The following LRP2 variants were observed in gnomAD, a reference collection of about 807,000 sequenced individuals.
LRP2 encodes the protein LDL receptor related protein 2, also known as low-density lipoprotein receptor-related protein 2.
LRP2 carries 172 observed loss-of-function variants against 531.0 expected under a neutral mutation model. The ratio of observed to expected loss-of-function variants is 0.32; its 90% CI spans 0.29 to 0.37. The LOEUF is 0.37. Among genes scored for constraint, LRP2 ranks in the 10% least tolerant of loss-of-function variants. LRP2 has a pLI of 1.00. For missense variants in LRP2, 5,167 were observed against 5,868.3 expected, an observed-to-expected ratio of 0.88 and a Z score of 3.90; for synonymous variants, 1,992 against 2,027.6, an observed-to-expected ratio of 0.98 and a Z score of 0.47.
intron 72 of LRP2, 127 bp from the exon 73 acceptor site, chr2:169,139,737 C>T (rs2105338370): frequency 1.2e-6 from 1 of 828,944 alleles, no homozygotes; most frequent in South Asian, 1.4e-5. Flanking sequence ...GACAATGTAT[C>T]CTGCATGACT....
Position 169,233,342 on chromosome 2 carries a change from C to T in LRP2, c.5098+69G>A, listed in dbSNP as rs368705330. 25 of 1,538,056 alleles carry T rather than the reference C, an allele frequency of 1.6e-5. No homozygotes were observed. The East Asian group carries it at 3.6e-4, about 22-fold the overall frequency. ...AAACAAATGGGTCTGTAACAGTGTGCATTTAGCATTCCCAGGGTCAGTGTT... is the reference window on the plus strand; with the variant it reads ...AAACAAATGGGTCTGTAACAGTGTGTATTTAGCATTCCCAGGGTCAGTGTT... On this transcript the variant is annotated intron_variant, in intron 30 of 78. Coordinates refer to ENST00000649046, the MANE Select transcript of LRP2 (RefSeq NM_004525.3).
rs1685678991 is a variant in LRP2, at chr2:169,140,474, T to G, written c.13180A>C (p.Thr4394Pro). ...MHGGNCYFDE[T>P]DLPKCKCPSG... ...ACTTACTTGCATTTGGGGAGGTCAGTCTCATCAAAATAGCAATTTCCTCCG... is the reference window on the plus strand; with the variant it reads ...ACTTACTTGCATTTGGGGAGGTCAGGCTCATCAAAATAGCAATTTCCTCCG... The change falls in exon 72 of 79, where the codon ACT becomes CCT. Residue 4394 changes from threonine to proline, a missense_variant. Around this residue, in one of 6 missense-constraint regions of LRP2, gnomAD observed 348 missense variants for 369.3 expected, o/e 0.94. Coordinates refer to ENST00000649046, the MANE Select transcript of LRP2 (RefSeq NM_004525.3). 1.2e-6 allele frequency: 2 copies of G among 1,614,044 alleles called. No individual in the cohort carries two copies. The highest frequency in any genetic ancestry group is 1.7e-6 in the Non-Finnish European group (2 of 1,179,936).
In LRP2 at chr2:169,186,022, G is replaced by A. The variant is rs1011012202; in HGVS notation, c.9329-3C>T. On this transcript the variant is annotated splice_region_variant and splice_polypyrimidine_tract_variant and intron_variant, in intron 49 of 78. Transcript: ENST00000649046. ...AGGGTCATGGCATTCATTAATGCCT[G>A]TAGGTAAAAAGCAGTTCTTAGAGAT... 91 of 1,612,188 alleles carry A rather than the reference G, an allele frequency of 5.6e-5. No individual in the cohort carries two copies. The highest frequency in any genetic ancestry group is 7.5e-5 in the Non-Finnish European group (89 of 1,179,282).
At chr2:169,273,532 C>G (rs938585979) in intron 14 of LRP2, among the ~76,000 whole-genome samples, 4 of 152,134 alleles carry the variant, frequency 2.6e-5, no homozygotes, top group African/African-American at 9.6e-5. Context: ...AACCAAGAAT[C>G]TAAACAGTTA....
In LRP2 at chr2:169,270,950, T is replaced by A. The variant is rs373490242; in HGVS notation, c.2274A>T (p.Ser758=). 7 of 1,612,936 alleles carry A rather than the reference T, an allele frequency of 4.3e-6. No individual in the cohort carries two copies. Among genetic ancestry groups the A allele is most frequent in the Middle Eastern group, 1.6e-4 (1 of 6,074 alleles). The change falls in exon 16 of 79, where the codon TCA becomes TCT. Residue 758 remains serine (S), a synonymous_variant. Coordinates refer to ENST00000649046, the MANE Select transcript of LRP2 (RefSeq NM_004525.3). ...TAAAAATCATGTGTTTTGACATATCTGAAAAAAAGATAGTGCTGTCCTGGG... is the reference window on the plus strand; with the variant it reads ...TAAAAATCATGTGTTTTGACATATCAGAAAAAAAGATAGTGCTGTCCTGGG... ...FDAQDSTIFF[S]DMSKHMIFKQ...
chr2:169,304,903 T>C (rs988425878), intron 4 of LRP2, among the ~76,000 whole-genome samples: 2 of 152,174 alleles, frequency 1.3e-5, no homozygotes, highest in Non-Finnish European at 2.9e-5. Context: ...AACAAGTTCA[T>C]GTCTTTTACA....
intron 16 of LRP2, among the ~76,000 whole-genome samples, chr2:169,270,401 A>G (rs972747506): frequency 2.0e-5 from 3 of 152,184 alleles, no homozygotes; most frequent in African/African-American, 7.2e-5. Flanking sequence ...TGTGTTACAT[A>G]TGCACCATGG....
intron 1 of LRP2, among the ~76,000 whole-genome samples, chr2:169,355,456 A>G (rs958596718): frequency 6.6e-6 from 1 of 151,820 alleles, no homozygotes; most frequent in African/African-American, 2.4e-5. Context: ...TTCTCTCTGG[A>G]CTCCACCCCT....
rs1229913881 is a variant in LRP2 at position 169,259,066 on chromosome 2, A to G, written c.2472T>C (p.Tyr824=). 2.5e-6 allele frequency: 4 copies of G among 1,613,278 alleles called. No individual in the cohort carries two copies. The highest frequency in any genetic ancestry group is 3.4e-6 in the Non-Finnish European group (4 of 1,179,630). The change falls in exon 17 of 79, where the codon TAT becomes TAC. Residue 824 remains tyrosine, a synonymous_variant. Coordinates refer to ENST00000649046, the MANE Select transcript of LRP2 (RefSeq NM_004525.3). ...CTACCACCGACCGTGGGTTATTTAA[A>G]TACTGAACTACTGTGCGTCTCGTTT... ...ADKTRRTVVQ[Y]LNNPRSVVVH...
chr2:169,183,973 T>G (rs1559001567), intron 50 of LRP2, among the ~76,000 whole-genome samples: 1 of 152,136 alleles, frequency 6.6e-6, no homozygotes, highest in Non-Finnish European at 1.5e-5. Context: ...TTGTGCACCC[T>G]CCTGGACTTT....
Position 169,209,554 on chromosome 2 carries a change from G to T in LRP2, c.6368C>A (p.Ala2123Glu), listed in dbSNP as rs149906123. 1 of 1,613,918 alleles carries T rather than the reference G, an allele frequency of 6.2e-7. No homozygotes were observed. Among genetic ancestry groups the T allele is most frequent in the Non-Finnish European group, 8.5e-7 (1 of 1,179,936 alleles). ...TCCATCTGGTTTAATTCTACGGATC[G>T]CATTATCAGATGCCACTGAGCTGCT... ...DFSSSVASDN[A>E]IRRIKPDGSS... Residue 2123 changes from alanine (A) to glutamate (E), a missense_variant, in exon 38 of 79, where the codon GCG becomes GAG. By Grantham distance (107) the Ala-to-Glu change is moderately radical. This residue lies in a region of LRP2 where 2,811 missense variants were observed against 3,058.0 expected (regional missense o/e 0.92). Coordinates refer to ENST00000649046, the MANE Select transcript of LRP2 (RefSeq NM_004525.3).
intron 54 of LRP2, among the ~76,000 whole-genome samples, chr2:169,175,653 A>G (rs1451183730): frequency 2.7e-5 from 4 of 150,224 alleles, no homozygotes; most frequent in Non-Finnish European, 3.0e-5. Context: ...CAAAAAAAAA[A>G]CAATAAACAA....
intron 70 of LRP2, among the ~76,000 whole-genome samples, chr2:169,143,519 A>C (rs1685802462): frequency 6.6e-6 from 1 of 152,002 alleles, no homozygotes; most frequent in African/African-American, 2.4e-5. Context: ...GGTGGCGGGC[A>C]CCTGTAGTCC....
chr2:169,225,879 T>C (rs1242090627), intron 32 of LRP2, among the ~76,000 whole-genome samples: 1 of 152,174 alleles, frequency 6.6e-6, no homozygotes, highest in Non-Finnish European at 1.5e-5. Flanking sequence ...CTGAAGAAAA[T>C]GACCTCTGAG....
rs1689873280 is a variant in LRP2 at position 169,243,199 on chromosome 2, C to T, written c.3551-127G>A. 4 of 903,858 alleles carry T rather than the reference C, an allele frequency of 4.4e-6. No homozygotes were observed. The South Asian group carries it at 5.7e-5, about 13-fold the overall frequency. The allele number at this position is 903,858 out of a possible 1,614,324, so 56.0% of individuals were successfully genotyped here. A position where few individuals can be genotyped will look rare whatever the true frequency, so the allele number is the denominator to read the frequency against. On this transcript the variant is annotated intron_variant, in intron 23 of 78. Transcript: ENST00000649046. ...ATATGCAGAACATGCAGGTTTGTTACATAGGTATACACGTGCCATGGTGGT... is the reference window on the plus strand; with the variant it reads ...ATATGCAGAACATGCAGGTTTGTTATATAGGTATACACGTGCCATGGTGGT...
intron 16 of LRP2, among the ~76,000 whole-genome samples, chr2:169,267,652 A>G (rs1240937964): frequency 6.6e-6 from 1 of 152,190 alleles, no homozygotes; most frequent in Admixed American, 6.5e-5. Context: ...AGGAGAAAGC[A>G]GTAGAGATCT....
chr2:169,234,074 T>A (rs1247342268), intron 29 of LRP2, among the ~76,000 whole-genome samples: 1 of 152,236 alleles, frequency 6.6e-6, no homozygotes. Flanking sequence ...CATCTTTCCT[T>A]CAAGTCACAG....
At chr2:169,266,135 T>C (rs890279709) in intron 16 of LRP2, among the ~76,000 whole-genome samples, 2 of 152,002 alleles carry the variant, frequency 1.3e-5, no homozygotes, top group Non-Finnish European at 2.9e-5. Flanking sequence ...TAAACACATA[T>C]GATTAATTTA....
intron 35 of LRP2, 25 bp from the exon 36 acceptor site, chr2:169,213,895 T>C: frequency 6.5e-7 from 1 of 1,533,188 alleles, no homozygotes; most frequent in African/African-American, 1.4e-5. Flanking sequence ...TTTTCATTAG[T>C]TTCATGGATT....
Sources: allele counts gnomAD v4.1 joint callset (sites outside exome capture counted in the v4.1 genomes callset), GRCh38; gene constraint gnomAD v4.1.1; regional missense constraint gnomAD v4.1.1; transcripts MANE v1.5; gene names NCBI Gene and HGNC (gene_info 2026-07-23, HGNC 2026-07-21).